The following DLG2 variants were observed in gnomAD, a reference collection of about 807,000 sequenced individuals.
The protein encoded by DLG2 is disks large homolog 2.
In DLG2, 45 loss-of-function variants were observed where a neutral mutation model predicts 132.5. The observed-to-expected ratio is 0.34, with a 90% CI of 0.27 to 0.44. DLG2 has a LOEUF of 0.44. Ranked by LOEUF, DLG2 falls within the 20% of genes least tolerant of loss-of-function variation. The probability of loss-of-function intolerance (pLI) is 1.00; values close to 1 mark genes in which losing one functional copy is unlikely to be tolerated. For missense variants in DLG2, 1,045 were observed against 1,196.9 expected, an observed-to-expected ratio of 0.87 and a Z score of 1.87; for synonymous variants, 424 against 419.6, an observed-to-expected ratio of 1.01 and a Z score of -0.13.
chr11:84,079,005 A>T (rs1489980007), intron 10 of DLG2, among the ~76,000 whole-genome samples: 1 of 152,202 alleles, frequency 6.6e-6, no homozygotes, highest in Non-Finnish European at 1.5e-5. Context: ...GTCATTCTTT[A>T]ATAATTCTAT....
chr11:83,613,458 G>A (rs1397422372), intron 19 of DLG2, among the ~76,000 whole-genome samples: 1 of 152,164 alleles, frequency 6.6e-6, no homozygotes, highest in Non-Finnish European at 1.5e-5. Context: ...ATGTAAATGT[G>A]AGAACTCTGA....
intron 11 of DLG2, among the ~76,000 whole-genome samples, chr11:84,027,744 T>G (rs1009989204): frequency 1.6e-4 from 24 of 152,074 alleles, no homozygotes; most frequent in African/African-American, 5.5e-4. Flanking sequence ...TCAGCAAAAG[T>G]TGGATATCAC....
intron 15 of DLG2, among the ~76,000 whole-genome samples, chr11:83,892,897 T>C (rs2070382985): frequency 6.6e-6 from 1 of 152,154 alleles, no homozygotes; most frequent in Non-Finnish European, 1.5e-5. Context: ...ATAAAGACCA[T>C]GATCTTCAAG....
chr11:83,798,678 T>A (rs75218355), intron 17 of DLG2, among the ~76,000 whole-genome samples: 5,049 of 152,150 alleles, frequency 0.033, 221 homozygotes, highest in African/African-American at 0.095. Context: ...GGGGTCTGGG[T>A]GCAAGGTGGC....
chr11:84,795,445 G>T (rs115884548), intron 6 of DLG2, among the ~76,000 whole-genome samples: 1 of 151,842 alleles, frequency 6.6e-6, no homozygotes, highest in East Asian at 2.0e-4. Context: ...TTTCCTCCCT[G>T]CTGAGAGCTG....
chr11:83,877,573 C>T (rs531269234), intron 15 of DLG2, among the ~76,000 whole-genome samples: 28 of 152,172 alleles, frequency 1.8e-4, no homozygotes, highest in African/African-American at 6.0e-4. Context: ...AAAGTTTTAG[C>T]GACAAAGTAA....
chr11:85,614,356 G>C (rs1481582576), intron 2 of DLG2, among the ~76,000 whole-genome samples: 5 of 151,140 alleles, frequency 3.3e-5, no homozygotes, highest in Non-Finnish European at 7.4e-5. Flanking sequence ...AAAATGTATA[G>C]TTCGGCCGGG....
intron 9 of DLG2, among the ~76,000 whole-genome samples, chr11:84,152,884 A>G (rs1055833822): frequency 3.0e-4 from 46 of 152,228 alleles, no homozygotes; most frequent in Middle Eastern, 3.4e-3. Flanking sequence ...AAGTTTTGAT[A>G]CTGTCATCCT....
At chr11:85,235,616 G>C (rs191560552) in intron 4 of DLG2, among the ~76,000 whole-genome samples, 4 of 152,042 alleles carry the variant, frequency 2.6e-5, no homozygotes, top group African/African-American at 7.2e-5. Context: ...AATGAAAAGT[G>C]TGGACCAAAG....
rs545014232 is a variant in DLG2, at chr11:85,150,310, G to A, written c.282+4246C>T. Reference sequence around the variant, plus strand: ...ACTGGGATTACAGGCGTGAGCCACCGTGCCCGGCCTCCGTTTTTAAATTAT... The same window carrying A: ...ACTGGGATTACAGGCGTGAGCCACCATGCCCGGCCTCCGTTTTTAAATTAT... On this transcript the variant is annotated intron_variant, in intron 5 of 27. Coordinates refer to ENST00000376104, the MANE Select transcript of DLG2 (RefSeq NM_001142699.3). Among the ~76,000 whole-genome samples, 11 of 152,054 alleles carry A rather than the reference G, an allele frequency of 7.2e-5. No individual in the cohort carries two copies. The South Asian group carries it at 8.3e-4, about 12-fold the overall frequency.
intron 6 of DLG2, among the ~76,000 whole-genome samples, chr11:85,007,962 G>T (rs533336426): frequency 4.6e-5 from 7 of 152,162 alleles, no homozygotes; most frequent in African/African-American, 1.7e-4. Context: ...TTTTACAAAG[G>T]TTACACATTG....
At chr11:85,440,373 T>C (rs934029580) in intron 3 of DLG2, among the ~76,000 whole-genome samples, 1 of 152,242 alleles carries the variant, frequency 6.6e-6, no homozygotes, top group Non-Finnish European at 1.5e-5. Context: ...GCAAACATGA[T>C]ATAAATGTTA....
intron 6 of DLG2, among the ~76,000 whole-genome samples, chr11:84,748,994 C>A (rs1257750051): frequency 6.6e-6 from 1 of 152,042 alleles, no homozygotes; most frequent in Non-Finnish European, 1.5e-5. Flanking sequence ...AACAGCAACA[C>A]CCAATCTCTA....
At chr11:84,625,702 A>G (rs982634116) in intron 6 of DLG2, among the ~76,000 whole-genome samples, 1 of 152,234 alleles carries the variant, frequency 6.6e-6, no homozygotes, top group South Asian at 2.1e-4. Context: ...AAATATCGGT[A>G]TGATGAAAAT....
chr11:85,574,785 G>A (rs928871109), intron 3 of DLG2, among the ~76,000 whole-genome samples: 8 of 152,142 alleles, frequency 5.3e-5, no homozygotes, highest in Admixed American at 5.2e-4. Context: ...CTCACCAGAA[G>A]CTGAGCAGAT....
chr11:85,488,778 G>A (rs955936144), intron 3 of DLG2, among the ~76,000 whole-genome samples: 2 of 152,064 alleles, frequency 1.3e-5, no homozygotes, highest in Non-Finnish European at 2.9e-5. Flanking sequence ...AAATGAAGGA[G>A]AAATAAAGTC....
chr11:85,325,204 C>T (rs1474368705), intron 3 of DLG2, among the ~76,000 whole-genome samples: 8 of 150,630 alleles, frequency 5.3e-5, no homozygotes, highest in Non-Finnish European at 7.4e-5. Flanking sequence ...GAGGGGCGCC[C>T]GCCATTGCCC....
intron 6 of DLG2, among the ~76,000 whole-genome samples, chr11:84,790,498 T>A (rs1255337170): frequency 1.3e-5 from 2 of 152,206 alleles, no homozygotes; most frequent in Non-Finnish European, 2.9e-5. Context: ...TCTTGTTAGA[T>A]GTGTAGTTTG....
At chr11:84,746,860 TA>T (rs1462806896) in intron 6 of DLG2, among the ~76,000 whole-genome samples, 1 of 152,092 alleles carries the variant, frequency 6.6e-6, no homozygotes, top group Non-Finnish European at 1.5e-5. Flanking sequence ...CTCAGGAAGG[TA>T]GTAAGATAAC....
Sources: gnomAD v4.1 joint callset for allele counts (sites outside exome capture counted in the v4.1 genomes callset) on GRCh38, gnomAD v4.1.1 for gene constraint, MANE v1.5 for transcripts, NCBI Gene and HGNC (gene_info 2026-07-23, HGNC 2026-07-21) for gene names.